The following BNC2 variants were observed in gnomAD, a reference collection of about 807,000 sequenced individuals.
BNC2 encodes the protein basonuclin zinc finger protein 2, also known as zinc finger protein basonuclin-2.
In BNC2, 20 loss-of-function variants were observed where a neutral mutation model predicts 76.3. The observed-to-expected ratio is 0.26, with a 90% CI of 0.18 to 0.38. The LOEUF is 0.38. Ranked by LOEUF, BNC2 falls within the 10% of genes least tolerant of loss-of-function variation. The pLI is 1.00. For synonymous variants in BNC2, 582 were observed against 514.8 expected (o/e 1.13, Z -1.77); for missense variants, 1,382 against 1,399.8 (o/e 0.99, Z 0.20).
chr9:16,842,522 C>G (rs1330245735), intron 1 of BNC2, among the ~76,000 whole-genome samples: 1 of 152,074 alleles, frequency 6.6e-6, no homozygotes, highest in East Asian at 1.9e-4. Flanking sequence ...TAGAGTTTCT[C>G]TGTGGAGTGA....
At chr9:16,445,127 A>C (rs1230426477) in intron 5 of BNC2, among the ~76,000 whole-genome samples, 2 of 152,344 alleles carry the variant, frequency 1.3e-5, no homozygotes, top group Non-Finnish European at 2.9e-5. Flanking sequence ...TCTGGGAAGC[A>C]TTTAGGGAAA....
intron 1 of BNC2, among the ~76,000 whole-genome samples, chr9:16,844,792 G>A (rs1378945908): frequency 6.6e-6 from 1 of 152,130 alleles, no homozygotes; most frequent in Non-Finnish European, 1.5e-5. Flanking sequence ...ACCGCACCCA[G>A]CCATTTTTCA....
At chr9:16,506,750 T>G (rs10962466) in intron 5 of BNC2, among the ~76,000 whole-genome samples, 2 of 146,218 alleles carry the variant, frequency 1.4e-5, no homozygotes, top group Admixed American at 1.3e-4. Flanking sequence ...GTTTGTTTGG[T>G]TTTTTTTGTT....
chr9:16,442,827 C>T (rs557198198), intron 5 of BNC2, among the ~76,000 whole-genome samples: 1 of 152,150 alleles, frequency 6.6e-6, no homozygotes, highest in Non-Finnish European at 1.5e-5. Context: ...AATAAGCAGC[C>T]GGGCACGGTG....
chr9:16,442,020 CTT>C (rs1358286369), intron 5 of BNC2, among the ~76,000 whole-genome samples: 1 of 152,170 alleles, frequency 6.6e-6, no homozygotes, highest in Non-Finnish European at 1.5e-5. Context: ...TAACTGAACT[CTT>C]GGCCCTCCCT....
intron 1 of BNC2, among the ~76,000 whole-genome samples, chr9:16,825,502 C>T (rs1818432634): frequency 6.6e-6 from 1 of 152,090 alleles, no homozygotes; most frequent in African/African-American, 2.4e-5. Flanking sequence ...CAGTTCATGA[C>T]TGCACTACTA....
chr9:16,681,836 G>A (rs965696253), intron 3 of BNC2, among the ~76,000 whole-genome samples: 2 of 152,164 alleles, frequency 1.3e-5, no homozygotes, highest in East Asian at 1.9e-4. Flanking sequence ...AATCCTTGCG[G>A]TTTAGTCAAT....
intron 1 of BNC2, among the ~76,000 whole-genome samples, chr9:16,781,691 G>A (rs1307255824): frequency 2.0e-5 from 3 of 152,052 alleles, no homozygotes; most frequent in African/African-American, 7.2e-5. Context: ...CAAGAAGTTA[G>A]AAACAATCTA....
At chr9:16,761,571 G>A (rs532280775) in intron 1 of BNC2, among the ~76,000 whole-genome samples, 1 of 152,216 alleles carries the variant, frequency 6.6e-6, no homozygotes, top group Non-Finnish European at 1.5e-5. Context: ...TTTGCGGGGA[G>A]AGGGAGTCAG....
intron 5 of BNC2, among the ~76,000 whole-genome samples, chr9:16,440,732 A>G (rs1273278440): frequency 6.6e-6 from 1 of 152,074 alleles, no homozygotes; most frequent in Non-Finnish European, 1.5e-5. Context: ...TATTTCTAAA[A>G]CCACTGCTTT....
At chr9:16,553,824 A>G (rs560948301) in intron 4 of BNC2, among the ~76,000 whole-genome samples, 1 of 152,318 alleles carries the variant, frequency 6.6e-6, no homozygotes, top group Admixed American at 6.5e-5. Flanking sequence ...ATTTTGCCTC[A>G]GTTTCTCAAG....
chr9:16,860,314 T>C (rs374059349), intron 1 of BNC2, among the ~76,000 whole-genome samples: 20 of 152,190 alleles, frequency 1.3e-4, no homozygotes, highest in African/African-American at 4.8e-4. Flanking sequence ...GTCAAGACAG[T>C]GTGGTACTGG....
intron 5 of BNC2, among the ~76,000 whole-genome samples, chr9:16,533,081 T>C (rs1197118015): frequency 6.6e-6 from 1 of 152,216 alleles, no homozygotes; most frequent in Admixed American, 6.5e-5. Flanking sequence ...ATCCCATCTG[T>C]ACCCTTGTGG....
chr9:16,451,173 T>G (rs113404526), intron 5 of BNC2, among the ~76,000 whole-genome samples: 5 of 152,272 alleles, frequency 3.3e-5, no homozygotes, highest in African/African-American at 7.2e-5. Context: ...TTAAGAGAGA[T>G]AAACTCATGG....
At chr9:16,670,572 G>T (rs1488343651) in intron 3 of BNC2, among the ~76,000 whole-genome samples, 2 of 152,192 alleles carry the variant, frequency 1.3e-5, no homozygotes, top group African/African-American at 4.8e-5. Flanking sequence ...TTATGCTTTA[G>T]TGTGGATAAA....
intron 1 of BNC2, among the ~76,000 whole-genome samples, chr9:16,792,373 C>A (rs1312109047): frequency 6.6e-6 from 1 of 152,196 alleles, no homozygotes; most frequent in African/African-American, 2.4e-5. Context: ...AACTTCATCA[C>A]TAACTTATCT....
At chr9:16,784,494 G>C (rs1826230032) in intron 1 of BNC2, among the ~76,000 whole-genome samples, 1 of 152,156 alleles carries the variant, frequency 6.6e-6, no homozygotes, top group East Asian at 1.9e-4. Flanking sequence ...AAACAATATG[G>C]ATAGGACACA....
chr9:16,790,279 G>A (rs1817468070), intron 1 of BNC2, among the ~76,000 whole-genome samples: 1 of 152,226 alleles, frequency 6.6e-6, no homozygotes, highest in Non-Finnish European at 1.5e-5. Flanking sequence ...TTATAGGCGT[G>A]AGCCACAGTG....
Position 16,419,481 on chromosome 9 carries a change from G to C in BNC2, c.2808C>G (p.Ser936=). 6.2e-7 allele frequency: 1 copy of C among 1,614,124 alleles called. No homozygotes were observed. The highest frequency in any genetic ancestry group is 2.2e-5 in the East Asian group (1 of 44,856). The part of the protein sequence containing the change: ...PMGLDVREDA[S]SPAGTEDSHL... The stretch of plus-strand genomic sequence containing the variant: ...GGGAGTCTTCAGTCCCTGCGGGAGA[G>C]GAGGCGTCTTCCCTGACATCGAGCC... Residue 936 remains serine (S), a synonymous_variant, in exon 7 of 7, where the codon TCC becomes TCG. Coordinates refer to ENST00000380672, the MANE Select transcript of BNC2 (RefSeq NM_017637.6).
Sources: gnomAD v4.1 joint callset for allele counts (sites outside exome capture counted in the v4.1 genomes callset) on GRCh38, gnomAD v4.1.1 for gene constraint, MANE v1.5 for transcripts, NCBI Gene and HGNC (gene_info 2026-07-23, HGNC 2026-07-21) for gene names.